The following NEMP2 variants were observed in gnomAD, a reference collection of about 807,000 sequenced individuals.
NEMP2 encodes the protein nuclear envelope integral membrane protein 2, also known as UPF0571 transmembrane protein.
A neutral mutation model predicts 54.2 loss-of-function variants in NEMP2; 53 were observed. The observed-to-expected ratio is 0.98, with a 90% CI of 0.78 to 1.23. NEMP2 has a LOEUF of 1.23. NEMP2 is among the 50% of genes most tolerant of loss of function. The pLI is 0.00. For missense variants in NEMP2, 455 were observed against 511.3 expected, an observed-to-expected ratio of 0.89 and a Z score of 1.06; for synonymous variants, 197 against 190.3, an observed-to-expected ratio of 1.04 and a Z score of -0.29.
the NEMP2 span, among the ~76,000 whole-genome samples, chr2:190,484,087 T>C: frequency 1.3e-5 from 2 of 152,118 alleles, no homozygotes; most frequent in African/African-American, 4.8e-5. Flanking sequence ...TCAATCAATA[T>C]ATTTAAGCAC....
the NEMP2 span, among the ~76,000 whole-genome samples, chr2:190,427,689 T>C: frequency 2.6e-5 from 4 of 152,112 alleles, no homozygotes; most frequent in African/African-American, 9.7e-5. Flanking sequence ...ATAGAGAAAA[T>C]TGTGTCTACT....
chr2:190,644,813 G>C, the NEMP2 span, among the ~76,000 whole-genome samples: 1 of 152,118 alleles, frequency 6.6e-6, no homozygotes, highest in Non-Finnish European at 1.5e-5. This position sits in a 1 kb window ranked among gnomAD's most constrained non-coding sequence, Gnocchi z 4.4. Flanking sequence ...TAATACCTGG[G>C]TTATGAATTA....
At chr2:190,453,623 T>C in the NEMP2 span, among the ~76,000 whole-genome samples, 1 of 152,216 alleles carries the variant, frequency 6.6e-6, no homozygotes. Flanking sequence ...AAAAATTACA[T>C]CCTAATGTCA....
downstream of NEMP2, chr2:190,500,999 T>G (rs777336922): frequency 2.8e-4 from 42 of 152,190 alleles, no homozygotes; most frequent in Admixed American, 4.6e-4. This position sits in a 1 kb window ranked among gnomAD's most constrained non-coding sequence, Gnocchi z 5.3. Context: ...TATCCTGTGT[T>G]TTGATAGACA....
chr2:190,468,425 A>G, the NEMP2 span, among the ~76,000 whole-genome samples: 1 of 151,622 alleles, frequency 6.6e-6, no homozygotes, highest in Non-Finnish European at 1.5e-5. Flanking sequence ...CAGTGTTGGG[A>G]AAAAGGGAAC....
chr2:190,532,407 A>G (rs1403280314), intron 1 of NEMP2, among the ~76,000 whole-genome samples: 1 of 152,174 alleles, frequency 6.6e-6, no homozygotes, highest in African/African-American at 2.4e-5. Flanking sequence ...GTGGTGTCAA[A>G]TGGACTGTTA....
At position 190,512,794 on chromosome 2, in the gene NEMP2, G is replaced by A. The variant is rs1690413476; in HGVS notation, c.953+1659C>T. Among the ~76,000 whole-genome samples the A allele has an allele frequency of 6.6e-6, 1 of 152,202 alleles. No homozygotes were observed. The highest frequency in any genetic ancestry group is 1.5e-5 in the Non-Finnish European group (1 of 68,028). ...TTGCCTCGGGCAGATGGGGCAAAGAGAGACCCAGTCAGCATCAACCCTCCA... is the reference window on the plus strand; with the variant it reads ...TTGCCTCGGGCAGATGGGGCAAAGAAAGACCCAGTCAGCATCAACCCTCCA... On this transcript the variant is annotated intron_variant, in intron 7 of 8. Coordinates refer to ENST00000409150, the MANE Select transcript of NEMP2 (RefSeq NM_001142645.2). The surrounding 1 kb of genome is among the most constrained non-coding windows in gnomAD (Gnocchi z 4.5).
the NEMP2 span, among the ~76,000 whole-genome samples, chr2:190,489,401 T>C: frequency 6.6e-6 from 1 of 152,220 alleles, no homozygotes; most frequent in Non-Finnish European, 1.5e-5. This position sits in a 1 kb window ranked among gnomAD's most constrained non-coding sequence, Gnocchi z 6.6. Flanking sequence ...TATAGCACTA[T>C]TTGAGCACTG....
At chr2:190,602,781 A>C in the NEMP2 span, among the ~76,000 whole-genome samples, 1 of 152,322 alleles carries the variant, frequency 6.6e-6, no homozygotes, top group Non-Finnish European at 1.5e-5. Context: ...AGAAGAAGGG[A>C]TGTCAAGCAG....
the NEMP2 span, among the ~76,000 whole-genome samples, chr2:190,429,899 A>G: frequency 6.6e-6 from 1 of 151,712 alleles, no homozygotes; most frequent in African/African-American, 2.4e-5. Context: ...TACAATGTGC[A>G]GATTTGATAC....
At chr2:190,500,309 G>T, downstream of NEMP2, 1 of 1,367,796 alleles carries the variant, frequency 7.3e-7, no homozygotes, top group Non-Finnish European at 1.0e-6. This position sits in a 1 kb window ranked among gnomAD's most constrained non-coding sequence, Gnocchi z 5.3. Context: ...TGCCTCCCCT[G>T]GAGGAGCACA....
the NEMP2 span, chr2:190,464,800 A>C: frequency 1.1e-5 from 5 of 455,348 alleles, no homozygotes; most frequent in Non-Finnish European, 1.4e-5. Flanking sequence ...GACCAAGTAG[A>C]TTTCCTCTTC....
the NEMP2 span, among the ~76,000 whole-genome samples, chr2:190,569,281 A>G: frequency 2.0e-5 from 3 of 152,236 alleles, no homozygotes; most frequent in Admixed American, 2.0e-4. Context: ...AACGCTAAAA[A>G]GAGAAAAGCT....
chr2:190,434,345 G>A, the NEMP2 span, among the ~76,000 whole-genome samples: 1 of 152,070 alleles, frequency 6.6e-6, no homozygotes, highest in East Asian at 1.9e-4. This position sits in a 1 kb window ranked among gnomAD's most constrained non-coding sequence, Gnocchi z 4.3. Context: ...AGAAGAAAGG[G>A]AAATTCTGAT....
chr2:190,460,439 G>A, the NEMP2 span, among the ~76,000 whole-genome samples: 1 of 152,122 alleles, frequency 6.6e-6, no homozygotes, highest in Non-Finnish European at 1.5e-5. Flanking sequence ...TGTGCATAGT[G>A]TATATCCCTA....
the NEMP2 span, among the ~76,000 whole-genome samples, chr2:190,566,122 G>A: frequency 6.6e-6 from 1 of 152,064 alleles, no homozygotes; most frequent in Admixed American, 6.6e-5. Context: ...ACAGTCTGGG[G>A]CAACTAGTCC....
the NEMP2 span, among the ~76,000 whole-genome samples, chr2:190,596,377 A>T: frequency 2.0e-5 from 3 of 152,352 alleles, no homozygotes; most frequent in African/African-American, 4.8e-5. This position sits in a 1 kb window ranked among gnomAD's most constrained non-coding sequence, Gnocchi z 5.1. Flanking sequence ...CTGCACATGC[A>T]TCCCAGAACT....
the NEMP2 span, among the ~76,000 whole-genome samples, chr2:190,598,065 G>A: frequency 6.6e-6 from 1 of 152,086 alleles, no homozygotes; most frequent in Non-Finnish European, 1.5e-5. Context: ...CCTGTGTATT[G>A]TAGGATGTTC....
chr2:190,517,090 C>CAAAAA (rs56324449), intron 5 of NEMP2, among the ~76,000 whole-genome samples: 4 of 89,398 alleles, frequency 4.5e-5, no homozygotes, highest in African/African-American at 9.8e-5. Flanking sequence ...GACTGTGTCT[C>CAAAAA]AAAAAAAAAA....
Sources: gnomAD v4.1 joint callset for allele counts (sites outside exome capture counted in the v4.1 genomes callset) on GRCh38, gnomAD v4.1.1 for gene constraint, Gnocchi (gnomAD v3.1) non-coding constraint, MANE v1.5 for transcripts, NCBI Gene and HGNC (gene_info 2026-07-23, HGNC 2026-07-21) for gene names.